The following NRAP variants were observed in gnomAD, a reference collection of about 807,000 sequenced individuals.
NRAP encodes the protein nebulin-related-anchoring protein.
NRAP carries 189 observed loss-of-function variants against 225.9 expected under a neutral mutation model. That is an observed-to-expected ratio of 0.84 (90% confidence interval 0.74 to 0.94). NRAP has a LOEUF of 0.94. Among genes scored for constraint, NRAP ranks in the 40% least tolerant of loss-of-function variants. The pLI, the probability that NRAP is intolerant of heterozygous loss-of-function variation, is 0.00. For missense variants in NRAP, 2,176 were observed against 2,168.7 expected (o/e 1.00, Z -0.07); for synonymous variants, 769 against 790.7 (o/e 0.97, Z 0.46).
chr10:113,610,470 G>A lies in NRAP; in HGVS notation c.3592C>T (p.Leu1198Phe). The A allele has an allele frequency of 2.0e-6, 3 of 1,536,778 alleles. No homozygotes were observed. Among genetic ancestry groups the A allele is most frequent in the Non-Finnish European group, 2.7e-6 (3 of 1,109,066 alleles). The part of the protein sequence containing the change: ...EIEGRKKASE[L>F]ISESKYRQHP... ...GCATCTGTAGTTACCTCACTGATGAGTTCCGATGCTTTCTTCCTCCCTTCA... is the reference window on the plus strand; with the variant it reads ...GCATCTGTAGTTACCTCACTGATGAATTCCGATGCTTTCTTCCTCCCTTCA... The change falls in exon 31 of 42, where the codon CTC (leucine) becomes TTC (phenylalanine). Residue 1198 changes from leucine (L) to phenylalanine (F), a missense_variant. By Grantham distance (22) the Leu-to-Phe change is conservative. Coordinates refer to ENST00000359988, the MANE Select transcript of NRAP (RefSeq NM_198060.4).
chr10:113,614,467 A>G (rs560107005), intron 28 of NRAP, among the ~76,000 whole-genome samples, 171 bp from the exon 29 acceptor site: 6 of 152,332 alleles, frequency 3.9e-5, no homozygotes, highest in South Asian at 2.1e-4. Flanking sequence ...AAGACTCCCA[A>G]TGACTAAAGG....
In NRAP at chr10:113,604,840, C is replaced by G; in HGVS notation, c.3996G>C (p.Gln1332His). ...PQSVRDDPRI[Q>H]HCRRMGQLQS... is the part of the protein sequence containing the mutation. ...GCAGCTGGCCCATGCGCCGGCAGTG[C>G]TGGATCCGGGGGTCGTCTCTTACAC... The change falls in exon 35 of 42, where the codon CAG becomes CAC. Residue 1332 changes from glutamine (Q) to histidine (H), a missense_variant. By Grantham distance (24) the Gln-to-His change is conservative. This residue lies in a region of NRAP where 1,708 missense variants were observed against 1,695.5 expected (regional missense o/e 1.01). Coordinates refer to ENST00000359988, the MANE Select transcript of NRAP (RefSeq NM_198060.4). 6.2e-7 allele frequency: 1 copy of G among 1,614,202 alleles called. No homozygotes were observed. The highest frequency in any genetic ancestry group is 8.5e-7 in the Non-Finnish European group (1 of 1,180,038).
intron 4 of NRAP, among the ~76,000 whole-genome samples, chr10:113,656,760 A>G (rs1850331522): frequency 6.6e-6 from 1 of 152,208 alleles, no homozygotes; most frequent in Non-Finnish European, 1.5e-5. Flanking sequence ...TAAATTCTAG[A>G]AAGATATGGT....
intron 20 of NRAP, 36 bp from the exon 21 acceptor site, chr10:113,626,181 A>G (rs762516687): frequency 6.8e-7 from 1 of 1,480,446 alleles, no homozygotes; most frequent in Non-Finnish European, 9.2e-7. Flanking sequence ...CAGCATTAGG[A>G]TTGGGTTGCC....
chr10:113,643,083 G>A (rs1042249584), intron 11 of NRAP, 45 bp from the exon 12 acceptor site: 7 of 955,700 alleles, frequency 7.3e-6, no homozygotes, highest in Non-Finnish European at 1.0e-5. Context: ...CAAATCCGAA[G>A]TCACTCTTGA....
At position 113,591,605 on chromosome 10, in the gene NRAP, T is replaced by C. The variant is rs548044681; in HGVS notation, c.4644+589A>G. On this transcript the variant is annotated intron_variant, in intron 39 of 41. Coordinates refer to ENST00000359988, the MANE Select transcript of NRAP (RefSeq NM_198060.4). ...GAAACTGTTCCCAGGTGCGCCTCCG[T>C]CTAGCACTGTGGACACTTGTCTAGT... Among the ~76,000 whole-genome samples, 39 of 152,350 alleles carry C rather than the reference T, an allele frequency of 2.6e-4. No homozygotes were observed. In the South Asian group the frequency reaches 2.9e-3, roughly 11 times the overall value.
At chr10:113,633,886 T>C (rs1364192832) in intron 15 of NRAP, among the ~76,000 whole-genome samples, 2 of 152,166 alleles carry the variant, frequency 1.3e-5, no homozygotes, top group African/African-American at 4.8e-5. Flanking sequence ...CTGTTGAAGA[T>C]GGGTGACAGG....
intron 35 of NRAP, among the ~76,000 whole-genome samples, chr10:113,598,437 G>C (rs772496708): frequency 6.6e-6 from 1 of 150,912 alleles, no homozygotes; most frequent in African/African-American, 2.4e-5. Flanking sequence ...GCCATTACCC[G>C]CCTGCCTAAA....
rs111474520 is a variant in NRAP at position 113,589,044 on chromosome 10, CTGA to C, written c.5121_5123del (p.His1707del). 17 of 1,614,102 alleles carry C rather than the reference CTGA, an allele frequency of 1.1e-5. No homozygotes were observed. In the African/African-American group the frequency reaches 1.5e-4, roughly 14 times the overall value. On this transcript the variant is annotated inframe_deletion, in exon 42 of 42. Coordinates refer to ENST00000359988, the MANE Select transcript of NRAP (RefSeq NM_198060.4). The stretch of plus-strand genomic sequence containing the variant: ...TGGCATCTGGGTTCACCTCCCCACT[CTGA>C]TGATCTCCAGCCTCCACTGCTTCTG...
intron 14 of NRAP, among the ~76,000 whole-genome samples, chr10:113,635,821 C>G (rs931091610): frequency 2.0e-5 from 3 of 152,214 alleles, no homozygotes; most frequent in African/African-American, 7.2e-5. Context: ...CTTATGCTCA[C>G]CTGGTTCCTT....
chr10:113,629,820 T>C (rs1444612069), intron 18 of NRAP, 35 bp from the exon 19 acceptor site: 3 of 1,427,080 alleles, frequency 2.1e-6, no homozygotes, highest in African/African-American at 2.8e-5. Context: ...GTTTTGTTAG[T>C]TGAAGCCCAC....
chr10:113,651,653 C>T (rs748599150), intron 7 of NRAP, 150 bp downstream of exon 7: 5 of 577,802 alleles, frequency 8.7e-6, no homozygotes, highest in Non-Finnish European at 1.5e-5. Flanking sequence ...CATCTGTGTC[C>T]CTGCAAAGGA....
At chr10:113,595,568 C>T in intron 38 of NRAP, 55 bp downstream of exon 38, 1 of 1,126,934 alleles carries the variant, frequency 8.9e-7, no homozygotes, top group Non-Finnish European at 1.4e-6. Flanking sequence ...CCACATTGGG[C>T]ACAGATCATT....
rs1377757083 is a variant in NRAP at position 113,620,705 on chromosome 10, G to T, written c.2773C>A (p.Gln925Lys). 6 of 1,602,770 alleles carry T rather than the reference G, an allele frequency of 3.7e-6. No homozygotes were observed. The highest frequency in any genetic ancestry group is 2.2e-5 in the East Asian group (1 of 44,836). ...KKAYGLQSDN[Q>K]YRADVKWMKG... Reference sequence around the variant, plus strand: ...ATCCACTTCACATCTGCCCTGTATTGGTTCTGACAAAGGAGAAAGAAAAAA... The same window carrying T: ...ATCCACTTCACATCTGCCCTGTATTTGTTCTGACAAAGGAGAAAGAAAAAA... Residue 925 changes from glutamine (Q) to lysine (K), a missense_variant, in exon 25 of 42, where the codon CAA becomes AAA. Physicochemically the swap from Gln to Lys is moderately conservative, Grantham distance 53. Coordinates refer to ENST00000359988, the MANE Select transcript of NRAP (RefSeq NM_198060.4).
At chr10:113,611,106 C>T (rs1386108085) in intron 30 of NRAP, among the ~76,000 whole-genome samples, 2 of 152,170 alleles carry the variant, frequency 1.3e-5, no homozygotes, top group Non-Finnish European at 2.9e-5. Flanking sequence ...CACATTCACT[C>T]CCCTTCAGCC....
At chr10:113,602,849 C>T (rs1013957311) in intron 35 of NRAP, among the ~76,000 whole-genome samples, 1 of 152,108 alleles carries the variant, frequency 6.6e-6, no homozygotes, top group Non-Finnish European at 1.5e-5. Context: ...AGATTCTCAA[C>T]GGGGGATAAC....
chr10:113,636,930 G>T (rs1182322357), intron 14 of NRAP, among the ~76,000 whole-genome samples: 1 of 146,718 alleles, frequency 6.8e-6, no homozygotes, highest in Non-Finnish European at 1.5e-5. Context: ...TCGCTTAAAT[G>T]TGGGAGGTGG....
At chr10:113,600,963 A>T (rs1326942810) in intron 35 of NRAP, among the ~76,000 whole-genome samples, 1 of 152,214 alleles carries the variant, frequency 6.6e-6, no homozygotes, top group East Asian at 1.9e-4. Context: ...AGTCTACCTT[A>T]GGTCACACAG....
intron 26 of NRAP, among the ~76,000 whole-genome samples, chr10:113,616,382 C>T (rs1847664088): frequency 6.6e-6 from 1 of 152,186 alleles, no homozygotes; most frequent in South Asian, 2.1e-4. Context: ...AGTTTCCAAA[C>T]AGGGTTTTTC....
Sources: gnomAD v4.1 joint callset for allele counts (sites outside exome capture counted in the v4.1 genomes callset) on GRCh38, gnomAD v4.1.1 for gene constraint, gnomAD v4.1.1 regional missense constraint, MANE v1.5 for transcripts, NCBI Gene and HGNC (gene_info 2026-07-23, HGNC 2026-07-21) for gene names.